Variants in B3GALT1 observed in about 807,000 individuals in gnomAD.
B3GALT1 encodes UDP-Gal:betaGlcNAc beta 1,3-galactosyltransferase, polypeptide 1.
In B3GALT1, 10 loss-of-function variants were observed where a neutral mutation model predicts 23.2. The observed-to-expected ratio is 0.43, with a 90% CI of 0.27 to 0.73. The LOEUF is 0.73. B3GALT1 is among the 30% of genes least tolerant of loss of function. The pLI is 0.21. For missense variants in B3GALT1, 299 were observed against 405.4 expected, an observed-to-expected ratio of 0.74 and a Z score of 2.25; for synonymous variants, 156 against 141.5, an observed-to-expected ratio of 1.10 and a Z score of -0.73.
At position 167,869,492 on chromosome 2, in the gene B3GALT1, C is replaced by A; in HGVS notation, c.453C>A (p.Asn151Lys). ...IVEDFIDSYH[N>K]LTLKTLMGMR... is the part of the protein sequence containing the mutation. ...AGGACTTTATTGACTCCTACCATAACCTTACCCTCAAAACATTAATGGGGA... is the reference window on the plus strand; with the variant it reads ...AGGACTTTATTGACTCCTACCATAAACTTACCCTCAAAACATTAATGGGGA... The change falls in exon 5 of 5, where the codon AAC becomes AAA. Residue 151 changes from asparagine to lysine, a missense_variant. Asn to Lys is a moderately conservative substitution (Grantham distance 94, BLOSUM62 0). Around this residue, in one of 3 missense-constraint regions of B3GALT1, gnomAD observed 162 missense variants for 184.1 expected, o/e 0.88. Transcript: ENST00000392690. This position sits in a 1 kb window ranked among gnomAD's most constrained non-coding sequence, Gnocchi z 6.4. 1 of 1,614,042 alleles carries A rather than the reference C, an allele frequency of 6.2e-7. No individual in the cohort carries two copies. The highest frequency in any genetic ancestry group is 8.5e-7 in the Non-Finnish European group (1 of 1,180,022).
intron 3 of B3GALT1, among the ~76,000 whole-genome samples, chr2:167,693,796 C>A (rs1481770875): frequency 1.3e-5 from 2 of 152,090 alleles, no homozygotes; most frequent in Non-Finnish European, 2.9e-5. Flanking sequence ...TCTGAACCAT[C>A]TCCAACCCTC....
intron 3 of B3GALT1, among the ~76,000 whole-genome samples, chr2:167,657,391 C>A (rs1283716583): frequency 1.3e-5 from 2 of 151,934 alleles, no homozygotes; most frequent in Non-Finnish European, 2.9e-5. Flanking sequence ...AAGGGGTGTG[C>A]TGGGGAAGGG....
chr2:167,401,632 A>G (rs1698193917), intron 1 of B3GALT1, among the ~76,000 whole-genome samples: 2 of 152,146 alleles, frequency 1.3e-5, no homozygotes, highest in African/African-American at 4.8e-5. Context: ...GAGTTATCCC[A>G]TAGAATTCTC....
chr2:167,511,950 A>C (rs1387967099), intron 2 of B3GALT1, among the ~76,000 whole-genome samples: 1 of 152,216 alleles, frequency 6.6e-6, no homozygotes, highest in South Asian at 2.1e-4. Flanking sequence ...CAATGAATAC[A>C]AAAGACAAAG....
intron 2 of B3GALT1, among the ~76,000 whole-genome samples, chr2:167,591,626 A>G (rs1684683902): frequency 6.6e-6 from 1 of 152,018 alleles, no homozygotes; most frequent in South Asian, 2.1e-4. Flanking sequence ...CATGCAACCA[A>G]AATACACTGC....
chr2:167,599,166 G>A (rs1684831305), intron 2 of B3GALT1, among the ~76,000 whole-genome samples: 1 of 152,154 alleles, frequency 6.6e-6, no homozygotes, highest in African/African-American at 2.4e-5. Flanking sequence ...CTCTGCATTT[G>A]CTTTCAGTAG....
chr2:167,497,025 G>T (rs188196515), intron 2 of B3GALT1, among the ~76,000 whole-genome samples: 219 of 152,102 alleles, frequency 1.4e-3, no homozygotes, highest in African/African-American at 5.1e-3. Context: ...TGCACGTTGT[G>T]CACATGTACC....
intron 1 of B3GALT1, among the ~76,000 whole-genome samples, chr2:167,341,361 G>C (rs1405611650): frequency 4.6e-5 from 7 of 152,074 alleles, no homozygotes; most frequent in Non-Finnish European, 1.5e-5. Context: ...AGCAGAAAAA[G>C]GTAAAAATAA....
intron 1 of B3GALT1, among the ~76,000 whole-genome samples, chr2:167,475,285 C>T (rs1699472034): frequency 6.6e-6 from 1 of 152,116 alleles, no homozygotes; most frequent in Admixed American, 6.6e-5. Context: ...CCCTAAGTCG[C>T]TTAGTAGCCC....
intron 1 of B3GALT1, among the ~76,000 whole-genome samples, chr2:167,426,296 A>G (rs572120913): frequency 7.0e-6 from 1 of 142,264 alleles, no homozygotes; most frequent in African/African-American, 2.7e-5. Context: ...TTTTTTTGAG[A>G]TGGAGTCTTG....
chr2:167,569,926 A>T (rs1413009184), intron 2 of B3GALT1, among the ~76,000 whole-genome samples: 2 of 151,900 alleles, frequency 1.3e-5, no homozygotes, highest in Non-Finnish European at 2.9e-5. Context: ...TATTAATATG[A>T]TCATGTGATT....
At chr2:167,809,398 T>C (rs113945254) in intron 3 of B3GALT1, among the ~76,000 whole-genome samples, 13,086 of 152,246 alleles carry the variant, frequency 0.086, 734 homozygotes, top group Middle Eastern at 0.21. Flanking sequence ...CTCTGTTTTT[T>C]CCCTATCTTT....
At chr2:167,396,263 A>C (rs2105286177) in intron 1 of B3GALT1, among the ~76,000 whole-genome samples, 1 of 152,156 alleles carries the variant, frequency 6.6e-6, no homozygotes, top group Non-Finnish European at 1.5e-5. Context: ...TGAATCCAAA[A>C]GTTTTTTCAT....
chr2:167,444,709 G>T (rs1698953067), intron 1 of B3GALT1, among the ~76,000 whole-genome samples: 1 of 152,154 alleles, frequency 6.6e-6, no homozygotes, highest in Non-Finnish European at 1.5e-5. Flanking sequence ...GATTGGTGGT[G>T]ATAACCCCTT....
rs1041523090 is a variant in B3GALT1 at position 167,739,939 on chromosome 2, CA to C, written c.-351-78720del. 1.4e-3 allele frequency among the ~76,000 whole-genome samples: 161 copies of C among 119,066 alleles called. 2 individuals are homozygous for C. Among genetic ancestry groups the C allele is most frequent in the South Asian group, 1.6e-3 (6 of 3,832 alleles). The allele number at this position is 119,066 out of a possible 152,430, so 78.1% of individuals were successfully genotyped here. On this transcript the variant is annotated intron_variant, in intron 3 of 4. Coordinates refer to ENST00000392690, the MANE Select transcript of B3GALT1 (RefSeq NM_020981.4). ...GAAGTTGTCTCTACAAAAAAACAAA[CA>C]AAAAAAAAAAAATCTAGGCGTGGTG... is the stretch of plus-strand genomic sequence containing the variant.
intron 2 of B3GALT1, among the ~76,000 whole-genome samples, chr2:167,568,991 A>G (rs375415346): frequency 9.2e-5 from 14 of 151,986 alleles, no homozygotes; most frequent in African/African-American, 2.4e-4. Context: ...TCATTGTTCC[A>G]TTTGTATTTT....
chr2:167,845,261 C>A (rs765462332), intron 4 of B3GALT1, among the ~76,000 whole-genome samples: 1 of 152,136 alleles, frequency 6.6e-6, no homozygotes, highest in Non-Finnish European at 1.5e-5. Flanking sequence ...CTCTGGAAAG[C>A]GCCACCTCCT....
chr2:167,507,961 C>T (rs1699946298), intron 2 of B3GALT1, among the ~76,000 whole-genome samples: 1 of 152,116 alleles, frequency 6.6e-6, no homozygotes, highest in Non-Finnish European at 1.5e-5. Flanking sequence ...GATCAGAGTG[C>T]CATCATGGTG....
Position 167,313,650 on chromosome 2 carries a change from G to A in B3GALT1, c.-511+20316G>A, listed in dbSNP as rs149746939. Among the ~76,000 whole-genome samples the A allele has an allele frequency of 5.6e-3, 846 of 152,210 alleles. 5 individuals are homozygous for A. Among genetic ancestry groups the A allele is most frequent in the Middle Eastern group, 0.017 (5 of 294 alleles). The stretch of plus-strand genomic sequence containing the variant: ...AAACCAGTTCTCAGCCCAGTGTTTG[G>A]AAGCTGTCATATGGCCTCTCTTGGT... On this transcript the variant is annotated intron_variant, in intron 1 of 4. Coordinates refer to ENST00000392690, the MANE Select transcript of B3GALT1 (RefSeq NM_020981.4).
Sources: allele counts gnomAD v4.1 joint callset (sites outside exome capture counted in the v4.1 genomes callset), GRCh38; gene constraint gnomAD v4.1.1; regional missense constraint gnomAD v4.1.1; non-coding constraint Gnocchi (gnomAD v3.1); transcripts MANE v1.5; gene names NCBI Gene and HGNC (gene_info 2026-07-23, HGNC 2026-07-21).